NAF1: variants seen among roughly 807,000 people sequenced by gnomAD.
NAF1 encodes H/ACA ribonucleoprotein complex non-core subunit NAF1.
NAF1 carries 11 observed loss-of-function variants against 40.6 expected under a neutral mutation model. That is an observed-to-expected ratio of 0.27 (90% CI 0.17 to 0.45). The LOEUF (loss-of-function observed/expected upper bound fraction) is 0.45, where lower values mean the gene tolerates loss of function less well. Ranked by LOEUF, NAF1 falls within the 20% of genes least tolerant of loss-of-function variation. NAF1 has a pLI of 1.00. For synonymous variants in NAF1, 260 were observed against 228.5 expected (o/e 1.14, Z -1.24); for missense variants, 607 against 611.1 (o/e 0.99, Z 0.07).
chr4:163,165,382 T>G (rs1041229585), intron 1 of NAF1, among the ~76,000 whole-genome samples: 2 of 152,196 alleles, frequency 1.3e-5, no homozygotes, highest in African/African-American at 4.8e-5. Context: ...GCCATATCCC[T>G]TCTGCTTTCA....
intron 2 of NAF1, among the ~76,000 whole-genome samples, chr4:163,120,624 A>G (rs1349455138): frequency 6.6e-6 from 1 of 152,236 alleles, no homozygotes; most frequent in Non-Finnish European, 1.5e-5. Flanking sequence ...TTTCTGTACT[A>G]GCCTTCAAAT....
chr4:163,134,807 T>C (rs1479309545), intron 6 of NAF1, among the ~76,000 whole-genome samples: 1 of 152,188 alleles, frequency 6.6e-6, no homozygotes, highest in Non-Finnish European at 1.5e-5. Context: ...TGCTGCTTCT[T>C]ACATGGCAAA....
At chr4:163,152,601 C>T (rs1257415556) in intron 2 of NAF1, among the ~76,000 whole-genome samples, 1 of 152,222 alleles carries the variant, frequency 6.6e-6, no homozygotes, top group Non-Finnish European at 1.5e-5. Context: ...TTGGGGAAAA[C>T]AGACATAGAC....
intron 2 of NAF1, among the ~76,000 whole-genome samples, chr4:163,120,740 A>G (rs1730494603): frequency 6.6e-6 from 1 of 152,136 alleles, no homozygotes; most frequent in African/African-American, 2.4e-5. Flanking sequence ...TTCATTATTA[A>G]GTATTTTACC....
At chr4:163,107,186 C>T (rs927026405), downstream of NAF1, among the ~76,000 whole-genome samples, 3 of 152,148 alleles carry the variant, frequency 2.0e-5, no homozygotes, top group Middle Eastern at 3.2e-3. Flanking sequence ...GGGGTTTCAC[C>T]GTGTTGGCCA....
At chr4:163,118,216 G>T (rs548277814) in intron 2 of NAF1, among the ~76,000 whole-genome samples, 2 of 152,254 alleles carry the variant, frequency 1.3e-5, no homozygotes, top group South Asian at 4.1e-4. Context: ...AATCCCAGGG[G>T]TGATGAATCA....
At chr4:163,116,365 T>C (rs1018301827) in intron 2 of NAF1, among the ~76,000 whole-genome samples, 17 of 152,278 alleles carry the variant, frequency 1.1e-4, no homozygotes, top group East Asian at 3.9e-4. Flanking sequence ...TGAGTTAACC[T>C]TGAATTATTT....
chr4:163,114,973 C>CTTACATTT (rs1429456491), intron 2 of NAF1, among the ~76,000 whole-genome samples: 1 of 152,002 alleles, frequency 6.6e-6, no homozygotes, highest in Non-Finnish European at 1.5e-5. Flanking sequence ...GACTATTTCA[C>CTTACATTT]TTACATTTTT....
intron 3 of NAF1, among the ~76,000 whole-genome samples, chr4:163,146,611 T>A (rs944550343): frequency 6.6e-6 from 1 of 152,226 alleles, no homozygotes; most frequent in Non-Finnish European, 1.5e-5. Flanking sequence ...CCTCAGATTA[T>A]CAAAATTAAT....
intron 7 of NAF1, among the ~76,000 whole-genome samples, chr4:163,130,269 G>A (rs1730820135): frequency 6.6e-6 from 1 of 151,960 alleles, no homozygotes; most frequent in South Asian, 2.1e-4. Context: ...AATCAAGCAA[G>A]GGTGTCACAA....
intron 7 of NAF1, among the ~76,000 whole-genome samples, chr4:163,129,667 G>A (rs998338498): frequency 6.6e-6 from 1 of 152,166 alleles, no homozygotes; most frequent in Non-Finnish European, 1.5e-5. Context: ...TTGACAGGCA[G>A]TAATGAGGTA....
chr4:163,110,184 A>G, exon 3 of NAF1: 1 of 639,692 alleles, frequency 1.6e-6, no homozygotes, highest in Non-Finnish European at 2.8e-6. Context: ...AGGCTGGTAG[A>G]CTTGCTGTTA....
intron 3 of NAF1, among the ~76,000 whole-genome samples, chr4:163,147,983 C>T (rs146033825): frequency 1.3e-5 from 2 of 152,146 alleles, no homozygotes; most frequent in African/African-American, 2.4e-5. Flanking sequence ...CCTGTTAACA[C>T]CTTTGATTTT....
chr4:163,115,924 AAAGT>A (rs1226139143), intron 2 of NAF1, among the ~76,000 whole-genome samples: 7 of 152,232 alleles, frequency 4.6e-5, no homozygotes, highest in Non-Finnish European at 8.8e-5. Flanking sequence ...CACAATTTTA[AAAGT>A]AAAACAAAAA....
intron 3 of NAF1, among the ~76,000 whole-genome samples, chr4:163,146,781 T>C (rs1731489804): frequency 6.6e-6 from 1 of 152,214 alleles, no homozygotes; most frequent in East Asian, 1.9e-4. Context: ...ACCTTGTCTC[T>C]ATTAAAAATC....
chr4:163,151,168 C>T (rs1380954247), intron 2 of NAF1, among the ~76,000 whole-genome samples: 1 of 151,444 alleles, frequency 6.6e-6, no homozygotes, highest in East Asian at 1.9e-4. Flanking sequence ...AGCAAATATC[C>T]ACTCCCTTAC....
chr4:163,118,614 G>A (rs867064079), intron 2 of NAF1, among the ~76,000 whole-genome samples: 19 of 152,274 alleles, frequency 1.2e-4, no homozygotes, highest in African/African-American at 3.8e-4. Context: ...TTAGCCGGGC[G>A]TGGTGGCACA....
chr4:163,130,069 G>A (rs1286943010), intron 7 of NAF1, among the ~76,000 whole-genome samples: 1 of 152,160 alleles, frequency 6.6e-6, no homozygotes, highest in Non-Finnish European at 1.5e-5. Context: ...AATCTACCCT[G>A]TTCCTTTCGC....
intron 2 of NAF1, among the ~76,000 whole-genome samples, chr4:163,116,677 A>C (rs1207000497): frequency 1.3e-5 from 2 of 152,242 alleles, no homozygotes; most frequent in African/African-American, 4.8e-5. Flanking sequence ...TTCATCAAGT[A>C]CTAGCTGCAA....
Sources: allele counts gnomAD v4.1 joint callset (sites outside exome capture counted in the v4.1 genomes callset), GRCh38; gene constraint gnomAD v4.1.1; transcripts MANE v1.5; gene names NCBI Gene and HGNC (gene_info 2026-07-23, HGNC 2026-07-21).